The following PLA2G7 variants were observed in gnomAD, a reference collection of about 807,000 sequenced individuals.
PLA2G7 encodes the protein platelet-activating factor acetylhydrolase.
A neutral mutation model predicts 49.6 loss-of-function variants in PLA2G7; 63 were observed. That is an observed-to-expected ratio of 1.27 (90% CI 1.04 to 1.57). The LOEUF (loss-of-function observed/expected upper bound fraction) is 1.57, where lower values mean the gene tolerates loss of function less well. Among genes scored for constraint, PLA2G7 ranks in the 40% most tolerant of loss-of-function variants. PLA2G7 has a pLI of 0.00. For synonymous variants in PLA2G7, 193 were observed against 169.9 expected, an observed-to-expected ratio of 1.14 and a Z score of -1.06; for missense variants, 596 against 521.2, an observed-to-expected ratio of 1.14 and a Z score of -1.40.
chr6:46,706,167 G>C (rs938456320), intron 10 of PLA2G7, among the ~76,000 whole-genome samples: 50 of 152,288 alleles, frequency 3.3e-4, no homozygotes, highest in African/African-American at 1.0e-3. Context: ...CTCAAGCTAA[G>C]AAATTGTGAA....
At chr6:46,717,583 G>A (rs571926907) in intron 2 of PLA2G7, among the ~76,000 whole-genome samples, 1 of 151,836 alleles carries the variant, frequency 6.6e-6, no homozygotes, top group African/African-American at 2.4e-5. Context: ...CAACCACACA[G>A]CCTGCAACTC....
chr6:46,734,401 G>GGTGTGTGA (rs1554184859), intron 1 of PLA2G7, among the ~76,000 whole-genome samples: 1 of 75,380 alleles, frequency 1.3e-5, no homozygotes, highest in Non-Finnish European at 2.3e-5. Context: ...GGTGTGTAGT[G>GGTGTGTGA]GTGTGTGTGT....
At chr6:46,726,630 T>C (rs1221550836) in intron 1 of PLA2G7, among the ~76,000 whole-genome samples, 1 of 151,930 alleles carries the variant, frequency 6.6e-6, no homozygotes, top group East Asian at 1.9e-4. Flanking sequence ...CCCCAATCAC[T>C]GGTCAATACA....
At chr6:46,711,380 T>A in intron 7 of PLA2G7, 116 bp downstream of exon 7, 2 of 1,119,328 alleles carry the variant, frequency 1.8e-6, no homozygotes, top group Non-Finnish European at 2.7e-6. Context: ...CTTTTGGGAA[T>A]GGGAAATAGG....
intron 1 of PLA2G7, among the ~76,000 whole-genome samples, chr6:46,733,910 A>G (rs1249057687): frequency 6.6e-6 from 1 of 152,208 alleles, no homozygotes; most frequent in African/African-American, 2.4e-5. Context: ...TTGGATCAAA[A>G]GTAATTTGTG....
Position 46,709,373 on chromosome 6 carries a change from C to T in PLA2G7, c.823G>A (p.Gly275Ser), listed in dbSNP as rs772204105. The T allele has an allele frequency of 6.2e-7, 1 of 1,608,188 alleles. No homozygotes were observed. The highest frequency in any genetic ancestry group is 8.5e-7 in the Non-Finnish European group (1 of 1,175,124). ...AGAGTCTGAATAACCGTTGCTCCAC[C>T]AAAAGAATGTCCAATTACTGCTATT... is the stretch of plus-strand genomic sequence containing the variant. ...EKIAVIGHSFGGATVIQTLSE... is the reference protein window; with the variant it reads ...EKIAVIGHSFSGATVIQTLSE... Residue 275 changes from glycine (G) to serine (S), a missense_variant, in exon 9 of 12, where the codon GGT (glycine) becomes AGT (serine). Coordinates refer to ENST00000274793, the MANE Select transcript of PLA2G7 (RefSeq NM_005084.4).
intron 1 of PLA2G7, among the ~76,000 whole-genome samples, chr6:46,734,581 G>GGGAGGC (rs1014301362): frequency 7.9e-5 from 12 of 152,068 alleles, no homozygotes; most frequent in African/African-American, 2.9e-4. Flanking sequence ...CCAGCATTTT[G>GGGAGGC]GGAGGCGGAG....
At chr6:46,721,177 A>T (rs1383415918) in intron 2 of PLA2G7, among the ~76,000 whole-genome samples, 3 of 151,822 alleles carry the variant, frequency 2.0e-5, no homozygotes, top group African/African-American at 7.3e-5. Context: ...AGTAGCTAGG[A>T]CTACAGGTGT....
intron 2 of PLA2G7, among the ~76,000 whole-genome samples, chr6:46,717,656 C>T (rs548083777): frequency 6.6e-6 from 1 of 152,022 alleles, no homozygotes; most frequent in South Asian, 2.1e-4. Flanking sequence ...TCTCCTACCT[C>T]TTTCTCACCA....
chr6:46,725,454 T>A (rs190659502), intron 1 of PLA2G7, among the ~76,000 whole-genome samples: 10 of 152,010 alleles, frequency 6.6e-5, no homozygotes, highest in Admixed American at 3.9e-4. Flanking sequence ...ATGGTCTTGA[T>A]CTCCTGACCT....
chr6:46,734,848 A>AAG lies in PLA2G7; in HGVS notation c.-35+330_-35+331dup, dbSNP rs368328200. Among the ~76,000 whole-genome samples the AAG allele has an allele frequency of 3.8e-3, 548 of 145,250 alleles. 1 individual carries two copies. The highest frequency in any genetic ancestry group is 0.013 in the African/African-American group (514 of 39,538). On this transcript the variant is annotated intron_variant, in intron 1 of 11. Coordinates refer to ENST00000274793, the MANE Select transcript of PLA2G7 (RefSeq NM_005084.4). ...AAAGAAAGAAAGAAGGAACGAAAGA[A>AAG]AGAGAGAGAGAGAGAAAAAAAAGAA...
In PLA2G7 at chr6:46,704,969, A is replaced by T. The variant is rs999018063; in HGVS notation, c.1189+184T>A. On this transcript the variant is annotated intron_variant, in intron 11 of 11. Coordinates refer to ENST00000274793, the MANE Select transcript of PLA2G7 (RefSeq NM_005084.4). ...CCTTTAACAGTTGGATTTGCTTTCT[A>T]TGATATAGAGGATGTAAAGCAGCAA... Among the ~76,000 whole-genome samples, 3 of 152,174 alleles carry T rather than the reference A, an allele frequency of 2.0e-5. No homozygotes were observed. In the East Asian group the frequency reaches 5.8e-4, roughly 29 times the overall value.
intron 10 of PLA2G7, among the ~76,000 whole-genome samples, chr6:46,705,914 T>A (rs1395358330): frequency 6.6e-6 from 1 of 152,168 alleles, no homozygotes; most frequent in Non-Finnish European, 1.5e-5. Flanking sequence ...TTCTTGCACT[T>A]TTTTTCTTTA....
rs771855703 is a variant in PLA2G7, at chr6:46,717,708, TC to T, written c.110-613del. On this transcript the variant is annotated intron_variant, in intron 2 of 11. Coordinates refer to ENST00000274793, the MANE Select transcript of PLA2G7 (RefSeq NM_005084.4). ...CGGAGCCTCTATTTTCTTTCTTTTT[TC>T]TTTTTCTTTTTTTTTTTTTTTGAGA... Among the ~76,000 whole-genome samples the T allele has an allele frequency of 2.3e-4, 20 of 86,734 alleles. 1 individual carries two copies. The highest frequency in any genetic ancestry group is 7.7e-4 in the African/African-American group (14 of 18,096). The allele number at this position is 86,734 out of a possible 152,430, so 56.9% of individuals were successfully genotyped here.
At chr6:46,720,053 G>A (rs966038316) in intron 2 of PLA2G7, among the ~76,000 whole-genome samples, 2 of 152,216 alleles carry the variant, frequency 1.3e-5, no homozygotes, top group African/African-American at 2.4e-5. Context: ...CAAGGAGGAG[G>A]ACCTTAAGGT....
intron 1 of PLA2G7, among the ~76,000 whole-genome samples, chr6:46,731,824 C>A (rs1476011631): frequency 1.3e-5 from 2 of 152,108 alleles, no homozygotes; most frequent in African/African-American, 4.8e-5. Context: ...ATCTCATTCC[C>A]ATTTTGTAGA....
chr6:46,708,267 T>C, intron 9 of PLA2G7, 106 bp from the exon 10 acceptor site: 1 of 834,672 alleles, frequency 1.2e-6, no homozygotes, highest in Admixed American at 1.8e-5. Flanking sequence ...CATACCAGTT[T>C]ATTATGGGTT....
intron 1 of PLA2G7, among the ~76,000 whole-genome samples, chr6:46,729,561 A>T (rs574315553): frequency 6.6e-6 from 1 of 152,216 alleles, no homozygotes. Flanking sequence ...TACAGTTGAG[A>T]TAATGAAGAC....
At position 46,730,116 on chromosome 6, in the gene PLA2G7, G is replaced by T. The variant is rs575403031; in HGVS notation, c.-35+5064C>A. Among the ~76,000 whole-genome samples the T allele has an allele frequency of 3.3e-4, 51 of 152,294 alleles. 1 individual carries two copies. The highest frequency in any genetic ancestry group is 1.1e-3 in the African/African-American group (47 of 41,560). ...GGATTTAAGGATTTTAACAAATAAA[G>T]GTTCAGGACAAGGGACAGTAACCCA... On this transcript the variant is annotated intron_variant, in intron 1 of 11. Coordinates refer to ENST00000274793, the MANE Select transcript of PLA2G7 (RefSeq NM_005084.4).
Sources: gnomAD v4.1 joint callset for allele counts (sites outside exome capture counted in the v4.1 genomes callset) on GRCh38, gnomAD v4.1.1 for gene constraint, MANE v1.5 for transcripts, NCBI Gene and HGNC (gene_info 2026-07-23, HGNC 2026-07-21) for gene names.